MMP16: variants seen among roughly 807,000 people sequenced by gnomAD.
The protein encoded by MMP16 is matrix metallopeptidase 16.
In MMP16, 12 loss-of-function variants were observed where a neutral mutation model predicts 67.8. That is an observed-to-expected ratio of 0.18 (90% CI 0.11 to 0.29). MMP16 has a LOEUF of 0.29. Among genes scored for constraint, MMP16 ranks in the 10% least tolerant of loss-of-function variants. The pLI, the probability that MMP16 is intolerant of heterozygous loss-of-function variation, is 1.00. For synonymous variants in MMP16, 249 were observed against 255.9 expected, an observed-to-expected ratio of 0.97 and a Z score of 0.26; for missense variants, 475 against 765.7, an observed-to-expected ratio of 0.62 and a Z score of 4.48.
rs181982049 is a variant in MMP16 at position 88,177,924 on chromosome 8, G to A, written c.404+8552C>T. Reference sequence around the variant, plus strand: ...TATATATATGAGATAGTTTAAAGATGAGATATATATATATGAGATAGTTTA... The same window carrying A: ...TATATATATGAGATAGTTTAAAGATAAGATATATATATATGAGATAGTTTA... On this transcript the variant is annotated intron_variant, in intron 3 of 9. Transcript: ENST00000286614. Among the ~76,000 whole-genome samples, 143 of 151,476 alleles carry A rather than the reference G, an allele frequency of 9.4e-4. 1 individual carries two copies. Among genetic ancestry groups the A allele is most frequent in the African/African-American group, 3.4e-3 (139 of 41,274 alleles).
intron 1 of MMP16, among the ~76,000 whole-genome samples, chr8:88,274,760 T>C (rs1296553890): frequency 6.6e-6 from 1 of 152,030 alleles, no homozygotes; most frequent in African/African-American, 2.4e-5. Flanking sequence ...ATATTTGTTA[T>C]AACTCAAGGT....
At chr8:88,068,351 C>A (rs891033942) in intron 7 of MMP16, among the ~76,000 whole-genome samples, 4 of 151,928 alleles carry the variant, frequency 2.6e-5, no homozygotes, top group Non-Finnish European at 4.4e-5. Context: ...TGTACTCTAA[C>A]TGAGGCTTTT....
intron 1 of MMP16, among the ~76,000 whole-genome samples, chr8:88,302,808 G>A (rs1811125615): frequency 6.6e-6 from 1 of 152,158 alleles, no homozygotes; most frequent in Non-Finnish European, 1.5e-5. Context: ...ACCTTCAACT[G>A]AAATAACCAG....
intron 1 of MMP16, among the ~76,000 whole-genome samples, chr8:88,264,033 C>CATATATAT (rs150086100): frequency 3.0e-5 from 4 of 134,706 alleles, no homozygotes; most frequent in African/African-American, 1.1e-4. Flanking sequence ...AAAAATGGCA[C>CATATATAT]ATATATATAT....
intron 1 of MMP16, among the ~76,000 whole-genome samples, chr8:88,217,483 T>C (rs961513928): frequency 7.2e-5 from 11 of 152,116 alleles, no homozygotes; most frequent in Non-Finnish European, 1.3e-4. Flanking sequence ...ATCTGTAATA[T>C]TAATCCACCA....
intron 1 of MMP16, among the ~76,000 whole-genome samples, chr8:88,225,025 C>A (rs1809748225): frequency 6.6e-6 from 1 of 151,910 alleles, no homozygotes; most frequent in Non-Finnish European, 1.5e-5. Context: ...TAAATCCTGA[C>A]TAACACTTCA....
intron 2 of MMP16, among the ~76,000 whole-genome samples, chr8:88,190,610 T>C (rs962029110): frequency 6.6e-6 from 1 of 152,192 alleles, no homozygotes; most frequent in African/African-American, 2.4e-5. Context: ...GGCACCAAAA[T>C]GTTAGTAGCA....
At chr8:88,263,251 A>T (rs2129953873) in intron 1 of MMP16, among the ~76,000 whole-genome samples, 1 of 152,258 alleles carries the variant, frequency 6.6e-6, no homozygotes, top group East Asian at 1.9e-4. Context: ...TCCTAAAAAA[A>T]AAATTCAATT....
chr8:88,166,050 T>C (rs911595295), intron 4 of MMP16, among the ~76,000 whole-genome samples: 5 of 152,120 alleles, frequency 3.3e-5, no homozygotes, highest in Non-Finnish European at 7.4e-5. Context: ...TTATATTTTT[T>C]CTTTGAAATT....
At chr8:88,317,024 C>T (rs1163647252) in intron 1 of MMP16, among the ~76,000 whole-genome samples, 1 of 152,142 alleles carries the variant, frequency 6.6e-6, no homozygotes, top group Non-Finnish European at 1.5e-5. Context: ...AATGAGGAGG[C>T]TTCTTACAGA....
intron 1 of MMP16, among the ~76,000 whole-genome samples, chr8:88,239,194 G>A (rs972540911): frequency 4.7e-5 from 7 of 150,332 alleles, no homozygotes; most frequent in Non-Finnish European, 4.4e-5. Flanking sequence ...ACTTGGGAGG[G>A]TGAGGCAGGA....
At chr8:88,100,990 G>T (rs983607439) in intron 6 of MMP16, among the ~76,000 whole-genome samples, 1 of 140,520 alleles carries the variant, frequency 7.1e-6, no homozygotes, top group Admixed American at 7.1e-5. Flanking sequence ...GGTGAGGGGA[G>T]GGGGGAGGGA....
At chr8:88,148,178 T>C (rs1444999089) in intron 4 of MMP16, among the ~76,000 whole-genome samples, 1 of 152,178 alleles carries the variant, frequency 6.6e-6, no homozygotes, top group Non-Finnish European at 1.5e-5. Context: ...TCTTCTTGGT[T>C]CCTTTTCATA....
chr8:88,311,650 T>G (rs1811296509), intron 1 of MMP16, among the ~76,000 whole-genome samples: 1 of 152,174 alleles, frequency 6.6e-6, no homozygotes, highest in Non-Finnish European at 1.5e-5. Context: ...TCTCTTAGAT[T>G]TATCTAATAC....
intron 4 of MMP16, among the ~76,000 whole-genome samples, chr8:88,132,059 T>G (rs1563541024): frequency 6.6e-6 from 1 of 151,902 alleles, no homozygotes; most frequent in Non-Finnish European, 1.5e-5. Context: ...GGCCTTGTCC[T>G]GCTCTATTTT....
rs1808111115 is a variant in MMP16, at chr8:88,040,092, T to G, written c.*1369A>C. 1 of 152,562 alleles carries G rather than the reference T, an allele frequency of 6.6e-6. No individual in the cohort carries two copies. The highest frequency in any genetic ancestry group is 2.4e-5 in the African/African-American group (1 of 41,430). 9.5% of individuals were successfully genotyped at this position (152,562 alleles called of 1,614,324 possible). A position where few individuals can be genotyped will look rare whatever the true frequency, so the allele number is the denominator to read the frequency against. On this transcript the variant is annotated 3_prime_UTR_variant, in exon 10 of 10. Transcript: ENST00000286614. ...GCTAACTGCATATACCAAGGCAAATTGAATTTTCATGCAATGGATTTTAAA... is the reference window on the plus strand; with the variant it reads ...GCTAACTGCATATACCAAGGCAAATGGAATTTTCATGCAATGGATTTTAAA...
chr8:88,299,068 C>A (rs1310811652), intron 1 of MMP16, among the ~76,000 whole-genome samples: 1 of 151,698 alleles, frequency 6.6e-6, no homozygotes, highest in East Asian at 1.9e-4. Context: ...TGACAGATAA[C>A]CTTCCATGGA....
At chr8:88,160,811 C>G (rs144620586) in intron 4 of MMP16, among the ~76,000 whole-genome samples, 1 of 152,012 alleles carries the variant, frequency 6.6e-6, no homozygotes, top group Admixed American at 6.6e-5. Flanking sequence ...ATAAATCATG[C>G]TGCTATAAAG....
At chr8:88,065,798 T>G (rs576132299) in intron 7 of MMP16, among the ~76,000 whole-genome samples, 12 of 152,222 alleles carry the variant, frequency 7.9e-5, no homozygotes, top group African/African-American at 2.6e-4. Flanking sequence ...ATAAAGAAAT[T>G]GCCTGTTTAT....
Sources: gnomAD v4.1 joint callset for allele counts (sites outside exome capture counted in the v4.1 genomes callset) on GRCh38, gnomAD v4.1.1 for gene constraint, MANE v1.5 for transcripts, NCBI Gene and HGNC (gene_info 2026-07-23, HGNC 2026-07-21) for gene names.